Variants in PAX6 observed in about 807,000 individuals in gnomAD.
PAX6 encodes paired box 6.
Under a neutral mutation model 60.7 loss-of-function variants are expected in PAX6, and 7 were observed. The ratio of observed to expected loss-of-function variants is 0.12; its 90% CI spans 0.07 to 0.22. The LOEUF is 0.22. Among genes scored for constraint, PAX6 ranks in the 10% least tolerant of loss-of-function variants. The pLI is 1.00. For synonymous variants in PAX6, 208 were observed against 201.2 expected, an observed-to-expected ratio of 1.03 and a Z score of -0.29; for missense variants, 355 against 555.2, an observed-to-expected ratio of 0.64 and a Z score of 3.62.
At chr11:31,810,378 T>G (rs1229574587) in intron 2 of PAX6, 2 of 152,880 alleles carry the variant, frequency 1.3e-5, no homozygotes, top group Non-Finnish European at 2.9e-5. Context: ...GCGCGTTCGC[T>G]GGGCCTCGGG....
chr11:31,791,557 C>A (rs1217100755), intron 12 of PAX6: 2 of 155,016 alleles, frequency 1.3e-5, no homozygotes, highest in African/African-American at 4.8e-5. Flanking sequence ...TTTCTCCTAA[C>A]AAAACGCCTC....
chr11:31,801,441 A>G (rs752977104), intron 7 of PAX6, 120 bp downstream of exon 7: 161 of 1,571,194 alleles, frequency 1.0e-4, no homozygotes, highest in Non-Finnish European at 7.0e-5. Context: ...CAAAGGAGAC[A>G]AATGTGGAGC....
chr11:31,797,787 C>T (rs592859), intron 8 of PAX6, among the ~76,000 whole-genome samples: 1 of 152,042 alleles, frequency 6.6e-6, no homozygotes, highest in African/African-American at 2.4e-5. Context: ...CCCACCCCCA[C>T]GATAAACCTA....
chr11:31,798,751 C>T (rs1952512703), intron 8 of PAX6, among the ~76,000 whole-genome samples: 1 of 152,242 alleles, frequency 6.6e-6, no homozygotes, highest in Admixed American at 6.5e-5. Context: ...GCTCCACCTC[C>T]GGCCCCAACC....
chr11:31,803,590 T>G (rs1954818080), intron 4 of PAX6: 1 of 152,302 alleles, frequency 6.6e-6, no homozygotes, highest in Non-Finnish European at 1.5e-5. Context: ...GCACCTCCAG[T>G]GCAGACGTGA....
At chr11:31,815,259 GA>G (rs1957322774), upstream of PAX6, among the ~76,000 whole-genome samples, 1 of 152,264 alleles carries the variant, frequency 6.6e-6, no homozygotes, top group East Asian at 1.9e-4. Flanking sequence ...AGGGTTCCTA[GA>G]AAAGTTTGCT....
rs1953378927 is a variant in PAX6 at position 31,800,590 on chromosome 11, C to G, written c.565+101G>C. 19 of 1,383,370 alleles carry G rather than the reference C, an allele frequency of 1.4e-5. No homozygotes were observed. In the South Asian group the frequency reaches 2.2e-4, roughly 16 times the overall value. 85.7% of individuals were successfully genotyped at this position (1,383,370 alleles called of 1,614,324 possible). ...CAAATGCAGTCTCACCCATGACATT[C>G]CCCAAGCATGGAAGCCCTGAGAGGA... is the stretch of plus-strand genomic sequence containing the variant. On this transcript the variant is annotated intron_variant, in intron 8 of 13. Coordinates refer to ENST00000640368, the MANE Select transcript of PAX6 (RefSeq NM_001368894.2).
At chr11:31,794,547 C>T (rs985595520) in intron 9 of PAX6, 83 bp downstream of exon 9, 4 of 1,370,710 alleles carry the variant, frequency 2.9e-6, no homozygotes, top group Admixed American at 3.4e-5. Flanking sequence ...ATGCAAAGGG[C>T]CCTGGCTAAA....
intron 12 of PAX6, 130 bp downstream of exon 12, chr11:31,793,307 TG>T: frequency 1.3e-6 from 1 of 777,098 alleles, no homozygotes; most frequent in Non-Finnish European, 2.3e-6. Context: ...CCGACTTGAC[TG>T]GTCAAGCCAA....
At chr11:31,814,364 C>T (rs1957272916), upstream of PAX6, 1 of 152,382 alleles carries the variant, frequency 6.6e-6, no homozygotes. Context: ...TCCCCTGTGC[C>T]CACCCCATCA....
At chr11:31,805,973 C>T (rs1955667632) in intron 4 of PAX6, 1 of 180,152 alleles carries the variant, frequency 5.6e-6, no homozygotes, top group South Asian at 1.9e-4. Context: ...CCAACCCCGC[C>T]GGGTTGGTGG....
rs772141880 is a variant in PAX6, at chr11:31,793,817, G to A, written c.808-15C>T. On this transcript the variant is annotated splice_polypyrimidine_tract_variant and intron_variant, in intron 10 of 13. Coordinates refer to ENST00000640368, the MANE Select transcript of PAX6 (RefSeq NM_001368894.2). ...GAAAACCATACCTGGAAATCAGGTG[G>A]GACAGGTTAGCACTGTGTCTACGTC... 43 of 1,613,898 alleles carry A rather than the reference G, an allele frequency of 2.7e-5. No individual in the cohort carries two copies. The highest frequency in any genetic ancestry group is 4.0e-5 in the African/African-American group (3 of 74,866).
chr11:31,806,265 G>T, intron 4 of PAX6, 137 bp downstream of exon 4: 1 of 947,344 alleles, frequency 1.1e-6, no homozygotes, highest in Non-Finnish European at 1.5e-6. Flanking sequence ...GGAGCGGGGA[G>T]CAGCCGCCGC....
At chr11:31,802,518 T>C in intron 5 of PAX6, 186 bp downstream of exon 5, 1 of 558,654 alleles carries the variant, frequency 1.8e-6, no homozygotes, top group Admixed American at 3.3e-5. Flanking sequence ...TTGAAAGAGA[T>C]AGGGAAGGAT....
chr11:31,816,484 C>G lies in PAX6; in HGVS notation c.-317+1325G>C, dbSNP rs942596390. On this transcript the variant is annotated intron_variant, in intron 1 of 12. Coordinates refer to the PAX6 transcript ENST00000241001. Reference sequence around the variant, plus strand: ...GCCGTGACAGCCGAATAAACACGATCTCCAATAAACATCTCTAATGAGGGA... The same window carrying G: ...GCCGTGACAGCCGAATAAACACGATGTCCAATAAACATCTCTAATGAGGGA... The G allele has an allele frequency of 5.8e-6, 4 of 694,516 alleles. No homozygotes were observed. In the Admixed American group the frequency reaches 8.1e-5, roughly 14 times the overall value. The allele number at this position is 694,516 out of a possible 1,614,324, so 43.0% of individuals were successfully genotyped here.
chr11:31,798,343 G>C (rs1032734569), intron 8 of PAX6, among the ~76,000 whole-genome samples: 13 of 152,152 alleles, frequency 8.5e-5, no homozygotes, highest in Non-Finnish European at 1.8e-4. Context: ...ATTCACCGCC[G>C]CATGGCGTTG....
chr11:31,815,660 T>C (rs1340887717), upstream of PAX6, among the ~76,000 whole-genome samples: 1 of 151,582 alleles, frequency 6.6e-6, no homozygotes, highest in Admixed American at 6.6e-5. Context: ...TTAATCTGCC[T>C]GTTAATCAAG....
In PAX6 at chr11:31,802,903, GAGA is replaced by G. The variant is rs1592566049; in HGVS notation, c.11-72_11-70del. Reference sequence around the variant, plus strand: ...GAGCAGAGTGAAGAGGAAGAAGAGGGAGAAGAAGGAAGAGGAAGATGAGGGAGA... The same window carrying G: ...GAGCAGAGTGAAGAGGAAGAAGAGGGAGAAGGAAGAGGAAGATGAGGGAGA... On this transcript the variant is annotated intron_variant, in intron 4 of 13. Transcript: ENST00000640368. The G allele has an allele frequency of 4.7e-6, 7 of 1,477,052 alleles. No homozygotes were observed. The East Asian group carries it at 1.4e-4, about 29-fold the overall frequency. The allele number at this position is 1,477,052 out of a possible 1,614,324, so 91.5% of individuals were successfully genotyped here. A position where few individuals can be genotyped will look rare whatever the true frequency, so the allele number is the denominator to read the frequency against.
At position 31,811,289 on chromosome 11, in the gene PAX6, C is replaced by A; in HGVS notation, c.-491G>T. On this transcript the variant is annotated 5_prime_UTR_variant, in exon 1 of 14. Coordinates refer to ENST00000640368, the MANE Select transcript of PAX6 (RefSeq NM_001368894.2). ...GGGAAATGAGGCCGAGCCACGGTTCCCTTTTCAAACCCACTAATCACTCCG... is the reference window on the plus strand; with the variant it reads ...GGGAAATGAGGCCGAGCCACGGTTCACTTTTCAAACCCACTAATCACTCCG... The A allele has an allele frequency of 2.5e-6, 1 of 398,782 alleles. No homozygotes were observed. Among genetic ancestry groups the A allele is most frequent in the Non-Finnish European group, 4.4e-6 (1 of 226,124 alleles). 24.7% of individuals were successfully genotyped at this position (398,782 alleles called of 1,614,324 possible).
Sources: gnomAD v4.1 joint callset for allele counts (sites outside exome capture counted in the v4.1 genomes callset) on GRCh38, gnomAD v4.1.1 for gene constraint, MANE v1.5 for transcripts, NCBI Gene and HGNC (gene_info 2026-07-23, HGNC 2026-07-21) for gene names.